PTPRN2: variants seen among roughly 807,000 people sequenced by gnomAD.
The protein encoded by PTPRN2 is protein tyrosine phosphatase receptor type N2, also known as receptor-type tyrosine-protein phosphatase N2.
PTPRN2 carries 74 observed loss-of-function variants against 118.8 expected under a neutral mutation model. The ratio of observed to expected loss-of-function variants is 0.62; its 90% CI spans 0.52 to 0.76. The LOEUF is 0.76. PTPRN2 is among the 30% of genes least tolerant of loss of function. PTPRN2 has a pLI of 0.00. For synonymous variants in PTPRN2, 641 were observed against 608.0 expected (o/e 1.05, Z -0.80); for missense variants, 1,481 against 1,394.4 (o/e 1.06, Z -0.99).
At chr7:157,820,129 T>C (rs1025900474) in intron 12 of PTPRN2, among the ~76,000 whole-genome samples, 4 of 149,918 alleles carry the variant, frequency 2.7e-5, no homozygotes, top group Non-Finnish European at 5.9e-5. Context: ...TCCACATACA[T>C]GCACACAGCA....
At chr7:158,162,979 A>G (rs7803824) in intron 6 of PTPRN2, among the ~76,000 whole-genome samples, 96,672 of 152,072 alleles carry the variant, frequency 0.64, 31,406 homozygotes, top group East Asian at 0.79. Context: ...TGGCATTATC[A>G]CAGGGTCCTC....
chr7:158,463,147 C>G (rs1401610350), intron 2 of PTPRN2, among the ~76,000 whole-genome samples: 1 of 152,198 alleles, frequency 6.6e-6, no homozygotes, highest in Admixed American at 6.5e-5. Context: ...TTATAAGCTT[C>G]CTACATGGTT....
In PTPRN2 at chr7:157,944,545, TA is replaced by T. The variant is rs910937211; in HGVS notation, c.1724-45809del. 4.6e-5 allele frequency among the ~76,000 whole-genome samples: 7 copies of T among 152,200 alleles called. No individual in the cohort carries two copies. The highest frequency in any genetic ancestry group is 1.2e-4 in the African/African-American group (5 of 41,462). On this transcript the variant is annotated intron_variant, in intron 11 of 22. Transcript: ENST00000389418. This position sits in a 1 kb window ranked among gnomAD's most constrained non-coding sequence, Gnocchi z 4.3. ...CTGCAAGCATCCGCACTGCTGCAAA[TA>T]TAATAATTGTTTGAAAGCATAACAT...
chr7:157,717,174 C>T (rs897418658), intron 12 of PTPRN2, among the ~76,000 whole-genome samples: 8 of 152,256 alleles, frequency 5.3e-5, no homozygotes, highest in East Asian at 1.9e-4. Flanking sequence ...TCACCAAAAT[C>T]GATCCACGAG....
chr7:158,138,414 C>A lies in PTPRN2; in HGVS notation c.1012G>T (p.Gly338Cys). Residue 338 changes from glycine (G) to cysteine (C), a missense_variant, in exon 7 of 23, where the codon GGC becomes TGC. Gly to Cys is a radical substitution (Grantham distance 159). This residue lies in a region of PTPRN2 where 1,115 missense variants were observed against 994.2 expected (regional missense o/e 1.12). Coordinates refer to ENST00000389418, the MANE Select transcript of PTPRN2 (RefSeq NM_002847.5). ...ELDGMAELMA[G>C]LMQGVDHGVA... ...CCATGGTCCACGCCTTGCATCAGGC[C>A]AGCCATCAGCTCAGCCATGCCGTCC... The A allele has an allele frequency of 1.2e-6, 2 of 1,613,620 alleles. No individual in the cohort carries two copies. Among genetic ancestry groups the A allele is most frequent in the Non-Finnish European group, 1.7e-6 (2 of 1,179,922 alleles).
intron 3 of PTPRN2, among the ~76,000 whole-genome samples, chr7:158,258,120 C>T (rs1397592695): frequency 2.0e-5 from 3 of 152,236 alleles, no homozygotes; most frequent in Admixed American, 6.5e-5. Flanking sequence ...AATCTCCAAG[C>T]GGGCACGTAA....
chr7:158,356,193 C>T (rs1808371053), intron 2 of PTPRN2, among the ~76,000 whole-genome samples: 2 of 152,180 alleles, frequency 1.3e-5, no homozygotes, highest in South Asian at 4.1e-4. Context: ...AAAGACAATA[C>T]AAGCTGGTCA....
chr7:158,051,550 G>A (rs965853565), intron 11 of PTPRN2, among the ~76,000 whole-genome samples: 2 of 152,204 alleles, frequency 1.3e-5, no homozygotes, highest in African/African-American at 4.8e-5. Context: ...AGCTGTGTCT[G>A]TCTGTCTGTC....
At chr7:158,587,320 C>T (rs867240072) in intron 1 of PTPRN2, among the ~76,000 whole-genome samples, 11 of 114,750 alleles carry the variant, frequency 9.6e-5, no homozygotes, top group Middle Eastern at 4.2e-3. Flanking sequence ...TCCCCCAACG[C>T]CCCCACTCAT....
chr7:158,118,139 T>C (rs1259487889), intron 9 of PTPRN2, among the ~76,000 whole-genome samples: 1 of 152,230 alleles, frequency 6.6e-6, no homozygotes, highest in Non-Finnish European at 1.5e-5. Context: ...AACTTTGGTT[T>C]GTAACTCCAC....
At chr7:158,345,038 G>A (rs1807397086) in intron 2 of PTPRN2, among the ~76,000 whole-genome samples, 1 of 152,204 alleles carries the variant, frequency 6.6e-6, no homozygotes, top group Admixed American at 6.5e-5. Context: ...ACCGCAGTGG[G>A]CGGGAGAAAT....
intron 16 of PTPRN2, among the ~76,000 whole-genome samples, chr7:157,597,825 C>T (rs543757080): frequency 2.0e-5 from 3 of 152,220 alleles, no homozygotes; most frequent in Middle Eastern, 3.2e-3. Flanking sequence ...CTGTGGGGGC[C>T]ACTGGGAAGG....
intron 11 of PTPRN2, among the ~76,000 whole-genome samples, chr7:158,055,227 G>A (rs1412464003): frequency 1.3e-5 from 2 of 152,188 alleles, no homozygotes; most frequent in African/African-American, 4.8e-5. Flanking sequence ...TAGCTGAGGG[G>A]ACACAGTGAG....
intron 2 of PTPRN2, among the ~76,000 whole-genome samples, chr7:158,487,369 G>A (rs1047195815): frequency 6.6e-5 from 10 of 152,056 alleles, no homozygotes; most frequent in Admixed American, 3.3e-4. Flanking sequence ...CCTCAGCAAC[G>A]ACGCCATTTT....
intron 8 of PTPRN2, among the ~76,000 whole-genome samples, chr7:158,135,208 AAC>A (rs1818704910): frequency 6.6e-6 from 1 of 152,230 alleles, no homozygotes; most frequent in South Asian, 2.1e-4. Flanking sequence ...ACTTTGCCAA[AAC>A]ACACTTTTAA....
chr7:158,345,802 GC>G (rs1281009011), intron 2 of PTPRN2, among the ~76,000 whole-genome samples: 3 of 152,176 alleles, frequency 2.0e-5, no homozygotes, highest in Admixed American at 6.5e-5. Context: ...GGCTGGGGAG[GC>G]CTCAAGAAAC....
chr7:157,949,560 C>A (rs532656481), intron 11 of PTPRN2, among the ~76,000 whole-genome samples: 15 of 152,316 alleles, frequency 9.8e-5, no homozygotes, highest in South Asian at 6.2e-4. Context: ...CAGACACTGG[C>A]GGCTGAGTCA....
In PTPRN2 at chr7:158,141,073, C is replaced by T. The variant is rs74559595; in HGVS notation, c.911-2558G>A. Among the ~76,000 whole-genome samples, 1,061 of 152,216 alleles carry T rather than the reference C, an allele frequency of 7.0e-3. 19 individuals carry two copies. Among genetic ancestry groups the T allele is most frequent in the African/African-American group, 0.024 (979 of 41,544 alleles). ...AGGGGGGTCCCGCTGCCACCCTCCA[C>T]GCTAGAGGGGTCTCACCACGACCCT... On this transcript the variant is annotated intron_variant, in intron 6 of 22. Coordinates refer to ENST00000389418, the MANE Select transcript of PTPRN2 (RefSeq NM_002847.5).
At chr7:158,042,358 G>T (rs948901656) in intron 11 of PTPRN2, among the ~76,000 whole-genome samples, 1 of 152,136 alleles carries the variant, frequency 6.6e-6, no homozygotes, top group Admixed American at 6.5e-5. Context: ...ATGGTGAGCC[G>T]CTTCGGAGCA....
Sources: gnomAD v4.1 joint callset for allele counts (sites outside exome capture counted in the v4.1 genomes callset) on GRCh38, gnomAD v4.1.1 for gene constraint, gnomAD v4.1.1 regional missense constraint, Gnocchi (gnomAD v3.1) non-coding constraint, MANE v1.5 for transcripts, NCBI Gene and HGNC (gene_info 2026-07-23, HGNC 2026-07-21) for gene names.